ATP6V1A: variants seen among roughly 807,000 people sequenced by gnomAD.
ATP6V1A encodes ATPase H+ transporting V1 subunit A.
Under a neutral mutation model 70.1 loss-of-function variants are expected in ATP6V1A, and 18 were observed. That is an observed-to-expected ratio of 0.26 (90% CI 0.18 to 0.38). The LOEUF is 0.38. ATP6V1A is among the 10% of genes least tolerant of loss of function. The pLI is 1.00. For synonymous variants in ATP6V1A, 232 were observed against 253.8 expected, an observed-to-expected ratio of 0.91 and a Z score of 0.82; for missense variants, 424 against 772.4, an observed-to-expected ratio of 0.55 and a Z score of 5.35.
chr3:113,769,625 C>A (rs1187814752), intron 1 of ATP6V1A, among the ~76,000 whole-genome samples: 1 of 152,110 alleles, frequency 6.6e-6, no homozygotes, highest in Non-Finnish European at 1.5e-5. Flanking sequence ...ATGAAATTAC[C>A]AGTTGCATTA....
At chr3:113,769,417 A>G (rs994064159) in intron 1 of ATP6V1A, among the ~76,000 whole-genome samples, 3 of 152,104 alleles carry the variant, frequency 2.0e-5, no homozygotes, top group Admixed American at 6.6e-5. Context: ...GATAGAATGT[A>G]TTTTTTCATT....
chr3:113,778,883 A>G, intron 2 of ATP6V1A, 48 bp downstream of exon 2: 1 of 1,236,402 alleles, frequency 8.1e-7, no homozygotes, highest in Non-Finnish European at 1.1e-6. Flanking sequence ...AACTTTGATT[A>G]ATGTCTTTTC....
chr3:113,809,282 G>T (rs141038991), intron 14 of ATP6V1A, 53 bp from the exon 15 acceptor site: 1 of 1,457,908 alleles, frequency 6.9e-7, no homozygotes, highest in Non-Finnish European at 9.4e-7. Flanking sequence ...CTTAACATAC[G>T]TAATGAAAAT....
At chr3:113,757,041 T>G (rs1708653590) in intron 1 of ATP6V1A, among the ~76,000 whole-genome samples, 1 of 152,216 alleles carries the variant, frequency 6.6e-6, no homozygotes, top group Admixed American at 6.5e-5. Flanking sequence ...GTGCCCAATA[T>G]TTCACTTGTT....
intron 1 of ATP6V1A, among the ~76,000 whole-genome samples, chr3:113,774,912 G>A (rs1708891174): frequency 6.6e-6 from 1 of 151,408 alleles, no homozygotes; most frequent in East Asian, 1.9e-4. Flanking sequence ...TTTTTTATTT[G>A]TACTATTTAA....
chr3:113,808,354 C>T (rs550280542), intron 14 of ATP6V1A, among the ~76,000 whole-genome samples: 4 of 138,356 alleles, frequency 2.9e-5, no homozygotes, highest in African/African-American at 8.0e-5. Flanking sequence ...TGCAGTGACG[C>T]GATCTCAGCT....
At chr3:113,775,677 A>T (rs11719303) in intron 1 of ATP6V1A, among the ~76,000 whole-genome samples, 52,125 of 152,002 alleles carry the variant, frequency 0.34, 9,029 homozygotes, top group East Asian at 0.36. Context: ...CCAGGATGTG[A>T]TCCCAAGTCT....
chr3:113,782,575 T>TATATATATACACATATATATATATATAC (rs1203478483), intron 3 of ATP6V1A, among the ~76,000 whole-genome samples: 8 of 146,476 alleles, frequency 5.5e-5, no homozygotes, highest in Non-Finnish European at 9.0e-5. Context: ...TATATATACG[T>TATATATATACACATATATATATATATAC]ATATATATAC....
rs112303740 is a variant in ATP6V1A at position 113,764,332 on chromosome 3, A to G, written c.-13-14409A>G. ...GTAGAGAGAGTTATTGTTGTTAGGT[A>G]AAGTATGGTATCTATTTAATGGAAT... is the stretch of plus-strand genomic sequence containing the variant. On this transcript the variant is annotated intron_variant, in intron 1 of 14. Coordinates refer to ENST00000273398, the MANE Select transcript of ATP6V1A (RefSeq NM_001690.4). Among the ~76,000 whole-genome samples, 967 of 152,332 alleles carry G rather than the reference A, an allele frequency of 6.3e-3. 5 individuals are homozygous for G. The highest frequency in any genetic ancestry group is 9.6e-3 in the Admixed American group (147 of 15,294).
intron 8 of ATP6V1A, among the ~76,000 whole-genome samples, chr3:113,791,535 T>C (rs1408560695): frequency 6.6e-6 from 1 of 152,220 alleles, no homozygotes; most frequent in Non-Finnish European, 1.5e-5. Flanking sequence ...ATTATTACTA[T>C]TACTCATCTT....
intron 13 of ATP6V1A, among the ~76,000 whole-genome samples, chr3:113,804,223 G>C (rs1450370170): frequency 4.0e-5 from 6 of 151,732 alleles, no homozygotes; most frequent in Non-Finnish European, 2.9e-5. Context: ...CAACTCCTGG[G>C]CTCAAGCAGT....
At chr3:113,773,917 C>A (rs1036798482) in intron 1 of ATP6V1A, among the ~76,000 whole-genome samples, 1 of 152,130 alleles carries the variant, frequency 6.6e-6, no homozygotes, top group African/African-American at 2.4e-5. Flanking sequence ...TTCCACTATG[C>A]CAGAAGATCC....
At chr3:113,762,435 G>A (rs1185505297) in intron 1 of ATP6V1A, among the ~76,000 whole-genome samples, 4 of 152,084 alleles carry the variant, frequency 2.6e-5, no homozygotes, top group African/African-American at 9.7e-5. Flanking sequence ...GGGCGTGGTG[G>A]CGCATACCTG....
chr3:113,784,093 C>A, intron 3 of ATP6V1A, 131 bp from the exon 4 acceptor site: 1 of 780,250 alleles, frequency 1.3e-6, no homozygotes, highest in East Asian at 2.6e-5. Flanking sequence ...ACTATGAATC[C>A]TGTGAACTGA....
intron 1 of ATP6V1A, among the ~76,000 whole-genome samples, chr3:113,767,697 G>A (rs1490664487): frequency 6.6e-6 from 1 of 151,932 alleles, no homozygotes; most frequent in South Asian, 2.1e-4. Context: ...TGTCGCCCAG[G>A]CTGGAGTGCA....
At chr3:113,766,946 CTT>C (rs1322981692) in intron 1 of ATP6V1A, among the ~76,000 whole-genome samples, 2 of 152,050 alleles carry the variant, frequency 1.3e-5, no homozygotes, top group East Asian at 3.9e-4. Context: ...CATCATCACT[CTT>C]TAGTTCTGTC....
At chr3:113,750,264 C>T (rs773370349) in intron 1 of ATP6V1A, among the ~76,000 whole-genome samples, 6 of 152,064 alleles carry the variant, frequency 3.9e-5, no homozygotes, top group Non-Finnish European at 8.8e-5. Flanking sequence ...CAGATCACAA[C>T]GTCAGGAGAT....
intron 6 of ATP6V1A, among the ~76,000 whole-genome samples, chr3:113,787,667 A>T (rs977740065): frequency 6.6e-6 from 1 of 152,256 alleles, no homozygotes; most frequent in Non-Finnish European, 1.5e-5. Context: ...ATTTATTTGC[A>T]TGTGTAACTT....
At chr3:113,774,823 G>GA (rs1708889615) in intron 1 of ATP6V1A, among the ~76,000 whole-genome samples, 1 of 143,594 alleles carries the variant, frequency 7.0e-6, no homozygotes, top group African/African-American at 2.6e-5. Flanking sequence ...AAAAAAAAAA[G>GA]AAAAGAAAAA....
Sources: allele counts gnomAD v4.1 joint callset (sites outside exome capture counted in the v4.1 genomes callset), GRCh38; gene constraint gnomAD v4.1.1; transcripts MANE v1.5; gene names NCBI Gene and HGNC (gene_info 2026-07-23, HGNC 2026-07-21).